The following BBS9 variants were observed in gnomAD, a reference collection of about 807,000 sequenced individuals.
BBS9 encodes the protein protein PTHB1.
In BBS9, 89 loss-of-function variants were observed where a neutral mutation model predicts 117.7. The ratio of observed to expected loss-of-function variants is 0.76; its 90% CI spans 0.64 to 0.90. The LOEUF is 0.90. Ranked by LOEUF, BBS9 falls within the 40% of genes least tolerant of loss-of-function variation. The probability of loss-of-function intolerance (pLI) is 0.00; values close to 1 mark genes in which losing one functional copy is unlikely to be tolerated. For missense variants in BBS9, 982 were observed against 1,042.2 expected (o/e 0.94, Z 0.80); for synonymous variants, 379 against 370.9 (o/e 1.02, Z -0.25).
chr7:33,342,731 T>G (rs1816800174), intron 11 of BBS9, among the ~76,000 whole-genome samples: 1 of 152,188 alleles, frequency 6.6e-6, no homozygotes, highest in Non-Finnish European at 1.5e-5. Context: ...GCCATTTCTT[T>G]CTTGCTATAG....
At chr7:33,521,147 T>C (rs1848531803) in intron 20 of BBS9, among the ~76,000 whole-genome samples, 1 of 152,188 alleles carries the variant, frequency 6.6e-6, no homozygotes, top group South Asian at 2.1e-4. Flanking sequence ...CAGGATCACG[T>C]TTTATAATAA....
At chr7:33,148,458 G>C (rs1413028180) in intron 2 of BBS9, among the ~76,000 whole-genome samples, 1 of 152,122 alleles carries the variant, frequency 6.6e-6, no homozygotes, top group East Asian at 1.9e-4. Flanking sequence ...CACCTCCCGG[G>C]TTCAAGCAAT....
chr7:33,461,906 T>A (rs1563207484), intron 19 of BBS9, among the ~76,000 whole-genome samples: 1 of 152,050 alleles, frequency 6.6e-6, no homozygotes, highest in Non-Finnish European at 1.5e-5. Context: ...TCAGAAATAG[T>A]GTTTGAATTC....
At chr7:33,443,006 T>C (rs1175239108) in intron 19 of BBS9, among the ~76,000 whole-genome samples, 2 of 152,240 alleles carry the variant, frequency 1.3e-5, no homozygotes, top group African/African-American at 4.8e-5. Context: ...TTGGTTTTTA[T>C]GACTGGCTTA....
chr7:33,136,822 T>C (rs886906138), intron 1 of BBS9, among the ~76,000 whole-genome samples: 2 of 152,176 alleles, frequency 1.3e-5, no homozygotes, highest in Non-Finnish European at 1.5e-5. Context: ...TCAGGGTAAT[T>C]AGATTTATAA....
intron 17 of BBS9, among the ~76,000 whole-genome samples, chr7:33,368,840 A>G (rs1406685759): frequency 6.6e-6 from 1 of 152,146 alleles, no homozygotes; most frequent in East Asian, 1.9e-4. Flanking sequence ...TTTTATGGCT[A>G]AAATCATAAT....
Position 33,429,274 on chromosome 7 carries a change from G to A in BBS9, c.2115+41130G>A, listed in dbSNP as rs183847053. Among the ~76,000 whole-genome samples the A allele has an allele frequency of 7.5e-4, 112 of 148,542 alleles. 1 individual carries two copies. Among genetic ancestry groups the A allele is most frequent in the Admixed American group, 5.9e-3 (88 of 15,016 alleles). On this transcript the variant is annotated intron_variant, in intron 19 of 22. Coordinates refer to ENST00000242067, the MANE Select transcript of BBS9 (RefSeq NM_198428.3). ...CTCTCCCCTTTTTTGCGTAGCTTTT[G>A]CCTTGAAATAAAAAAAAAAAAAATT...
At chr7:33,500,985 G>A (rs1265438713) in intron 19 of BBS9, among the ~76,000 whole-genome samples, 1 of 152,114 alleles carries the variant, frequency 6.6e-6, no homozygotes, top group Non-Finnish European at 1.5e-5. Flanking sequence ...CAAAACAAAG[G>A]CCATCAACAC....
chr7:33,335,797 AAGAG>A (rs1426175395), intron 9 of BBS9, among the ~76,000 whole-genome samples: 1 of 152,164 alleles, frequency 6.6e-6, no homozygotes, highest in South Asian at 2.1e-4. Flanking sequence ...AGTGAAGAGA[AAGAG>A]AGAACAAACC....
chr7:33,160,569 T>G (rs1164922204), intron 4 of BBS9, among the ~76,000 whole-genome samples: 1 of 152,220 alleles, frequency 6.6e-6, no homozygotes, highest in Non-Finnish European at 1.5e-5. Context: ...CAGAGAAGTC[T>G]TGATCTGTGA....
At chr7:33,409,091 C>G (rs1830634382) in intron 19 of BBS9, among the ~76,000 whole-genome samples, 1 of 151,884 alleles carries the variant, frequency 6.6e-6, no homozygotes, top group Admixed American at 6.6e-5. Flanking sequence ...ATTCCTTTAT[C>G]TCATTCTTTA....
intron 20 of BBS9, among the ~76,000 whole-genome samples, chr7:33,526,741 C>G (rs1849571384): frequency 6.6e-6 from 1 of 151,128 alleles, no homozygotes; most frequent in Non-Finnish European, 1.5e-5. Flanking sequence ...GCCTTCTTCT[C>G]TCAGCTCGTC....
At chr7:33,192,443 T>C (rs555165538) in intron 5 of BBS9, among the ~76,000 whole-genome samples, 2 of 152,292 alleles carry the variant, frequency 1.3e-5, no homozygotes, top group Non-Finnish European at 2.9e-5. Context: ...TCCTTTAAGA[T>C]GGCAAAAATA....
intron 5 of BBS9, among the ~76,000 whole-genome samples, chr7:33,256,855 A>G (rs114744130): frequency 0.011 from 1,608 of 152,246 alleles, 26 homozygotes; most frequent in African/African-American, 0.037. Context: ...TAGCCACTAG[A>G]TCTTTCTCAG....
chr7:33,257,593 G>A (rs922687365), intron 6 of BBS9, among the ~76,000 whole-genome samples, 183 bp downstream of exon 6: 7 of 152,174 alleles, frequency 4.6e-5, no homozygotes, highest in African/African-American at 1.7e-4. Context: ...AGGCAATATA[G>A]TGCAGTGGTT....
intron 5 of BBS9, among the ~76,000 whole-genome samples, chr7:33,218,410 A>G (rs1789486300): frequency 6.6e-6 from 1 of 152,216 alleles, no homozygotes; most frequent in African/African-American, 2.4e-5. Context: ...TGACCCTGTC[A>G]TTGTCAGTAA....
intron 17 of BBS9, among the ~76,000 whole-genome samples, chr7:33,382,046 A>G (rs1412432926): frequency 6.6e-6 from 1 of 152,224 alleles, no homozygotes; most frequent in Non-Finnish European, 1.5e-5. Flanking sequence ...AGATTCCCTA[A>G]GCAAGAAGAC....
At chr7:33,291,472 A>G (rs1467269004) in intron 9 of BBS9, among the ~76,000 whole-genome samples, 2 of 152,278 alleles carry the variant, frequency 1.3e-5, no homozygotes, top group East Asian at 3.9e-4. Context: ...TTCAGCTTGT[A>G]TATATTTCAT....
chr7:33,363,510 T>C (rs1376118289), intron 16 of BBS9, among the ~76,000 whole-genome samples: 3 of 152,198 alleles, frequency 2.0e-5, no homozygotes, highest in East Asian at 1.9e-4. Flanking sequence ...TCTACATAGA[T>C]GATCATGTTA....
Sources: gnomAD v4.1 joint callset for allele counts (sites outside exome capture counted in the v4.1 genomes callset) on GRCh38, gnomAD v4.1.1 for gene constraint, MANE v1.5 for transcripts, NCBI Gene and HGNC (gene_info 2026-07-23, HGNC 2026-07-21) for gene names.